CDC73: variants seen among roughly 807,000 people sequenced by gnomAD.
The protein encoded by CDC73 is parafibromin.
In CDC73, 21 loss-of-function variants were observed where a neutral mutation model predicts 83.7. That is an observed-to-expected ratio of 0.25 (90% CI 0.18 to 0.36). CDC73 has a LOEUF of 0.36. Ranked by LOEUF, CDC73 falls within the 10% of genes least tolerant of loss-of-function variation. The probability of loss-of-function intolerance (pLI) is 1.00; values close to 1 mark genes in which losing one functional copy is unlikely to be tolerated. For missense variants in CDC73, 342 were observed against 653.3 expected (o/e 0.52, Z 5.19); for synonymous variants, 224 against 212.9 (o/e 1.05, Z -0.45).
chr1:193,170,144 T>C (rs1287639668), intron 10 of CDC73, among the ~76,000 whole-genome samples: 1 of 152,248 alleles, frequency 6.6e-6, no homozygotes, highest in Non-Finnish European at 1.5e-5. Context: ...TTTTTATCAC[T>C]GCATAGTATT....
At chr1:193,228,158 A>G (rs1488838443) in intron 13 of CDC73, among the ~76,000 whole-genome samples, 1 of 152,172 alleles carries the variant, frequency 6.6e-6, no homozygotes, top group Non-Finnish European at 1.5e-5. Context: ...ATGATTTAAT[A>G]TCTCTGAAAT....
rs138626218 is a variant in CDC73 at position 193,130,056 on chromosome 1, T to C, written c.238-118T>C. On this transcript the variant is annotated intron_variant, in intron 2 of 16. Transcript: ENST00000367435. ...GCCTAGTCATTTTTTACAAATGTGA[T>C]TTAAAATACGTTTTTTCAAGATATG... 3 of 662,204 alleles carry C rather than the reference T, an allele frequency of 4.5e-6. No homozygotes were observed. In the African/African-American group the frequency reaches 5.4e-5, roughly 12 times the overall value. 41.0% of individuals were successfully genotyped at this position (662,204 alleles called of 1,614,324 possible). A position where few individuals can be genotyped will look rare whatever the true frequency, so the allele number is the denominator to read the frequency against.
intron 3 of CDC73, among the ~76,000 whole-genome samples, chr1:193,130,466 T>C (rs1395240197): frequency 1.3e-5 from 2 of 152,240 alleles, no homozygotes; most frequent in Non-Finnish European, 2.9e-5. Flanking sequence ...CCTTTCACAG[T>C]CTCAAAGACT....
At chr1:193,156,212 G>A (rs145164563) in intron 10 of CDC73, among the ~76,000 whole-genome samples, 1,862 of 152,284 alleles carry the variant, frequency 0.012, 19 homozygotes, top group South Asian at 0.034. Flanking sequence ...ACTCTTATTA[G>A]TGAGGATTTG....
At chr1:193,238,735 T>A (rs1376691233) in intron 15 of CDC73, among the ~76,000 whole-genome samples, 1 of 152,170 alleles carries the variant, frequency 6.6e-6, no homozygotes. Context: ...TGTATTCTTA[T>A]GATAAAGTAA....
intron 13 of CDC73, among the ~76,000 whole-genome samples, chr1:193,222,108 T>A (rs1010265828): frequency 2.0e-5 from 3 of 152,204 alleles, no homozygotes; most frequent in African/African-American, 7.2e-5. Context: ...GGAAGTATTT[T>A]AAAAAATACA....
chr1:193,250,123 G>A (rs1678022245), intron 16 of CDC73, among the ~76,000 whole-genome samples: 1 of 151,828 alleles, frequency 6.6e-6, no homozygotes, highest in Non-Finnish European at 1.5e-5. Flanking sequence ...TTTGTAATCT[G>A]TCTCTAATTA....
chr1:193,181,099 A>G, intron 10 of CDC73: 1 of 1,614,054 alleles, frequency 6.2e-7, no homozygotes, highest in Non-Finnish European at 8.5e-7. Flanking sequence ...AGCTATTAGT[A>G]GTATTAAAAA....
chr1:193,125,287 C>A, intron 2 of CDC73, 70 bp downstream of exon 2: 1 of 1,011,628 alleles, frequency 9.9e-7, no homozygotes, highest in South Asian at 1.3e-5. Flanking sequence ...GAGACAGGGT[C>A]TGGCCTTGTT....
Position 193,161,599 on chromosome 1 carries a change from T to G in CDC73, c.972+9155T>G, listed in dbSNP as rs565234559. Among the ~76,000 whole-genome samples the G allele has an allele frequency of 7.2e-4, 78 of 109,032 alleles. No individual in the cohort carries two copies. In the East Asian group the frequency reaches 0.017, roughly 24 times the overall value. 71.5% of individuals were successfully genotyped at this position (109,032 alleles called of 152,430 possible). On this transcript the variant is annotated intron_variant, in intron 10 of 16. Transcript: ENST00000367435. Reference sequence around the variant, plus strand: ...ATTATATAATATATAATAGATAATATATAATAGATAATATATATTATATGA... The same window carrying G: ...ATTATATAATATATAATAGATAATAGATAATAGATAATATATATTATATGA...
rs148548046 is a variant in CDC73, at chr1:193,169,007, G to A, written c.972+16563G>A. ...AAAGTGTAAAAACCAGTCTTGGCCT[G>A]TGTGCCATACAAAAACAAGTAGCAG... On this transcript the variant is annotated intron_variant, in intron 10 of 16. Coordinates refer to ENST00000367435, the MANE Select transcript of CDC73 (RefSeq NM_024529.5). 1.5e-3 allele frequency among the ~76,000 whole-genome samples: 221 copies of A among 152,114 alleles called. 5 individuals are homozygous for A. The East Asian group carries it at 0.025, about 17-fold the overall frequency.
chr1:193,233,704 T>G (rs1447361329), intron 14 of CDC73, among the ~76,000 whole-genome samples: 1 of 152,142 alleles, frequency 6.6e-6, no homozygotes, highest in East Asian at 1.9e-4. Flanking sequence ...GATTTTTGGT[T>G]TGGAGAATTT....
At position 193,173,469 on chromosome 1, in the gene CDC73, A is replaced by T. The variant is rs577870957; in HGVS notation, c.972+21025A>T. 3.5e-4 allele frequency among the ~76,000 whole-genome samples: 53 copies of T among 152,320 alleles called. No individual in the cohort carries two copies. The South Asian group carries it at 9.7e-3, about 28-fold the overall frequency. Reference sequence around the variant, plus strand: ...TTAAACATATGGACATCTTTTACATAGCCACAGTGCCATTGTATACAACAA... The same window carrying T: ...TTAAACATATGGACATCTTTTACATTGCCACAGTGCCATTGTATACAACAA... On this transcript the variant is annotated intron_variant, in intron 10 of 16. Transcript: ENST00000367435.
intron 6 of CDC73, among the ~76,000 whole-genome samples, chr1:193,139,039 G>A (rs1675854012): frequency 6.6e-6 from 1 of 152,102 alleles, no homozygotes; most frequent in African/African-American, 2.4e-5. Flanking sequence ...CTCCCAAAGT[G>A]CTGGGATTAC....
chr1:193,254,508 A>T lies in CDC73; in HGVS notation c.*3796A>T, dbSNP rs1342332735. Among the ~76,000 whole-genome samples, 1 of 152,058 alleles carries T rather than the reference A, an allele frequency of 6.6e-6. No individual in the cohort carries two copies. Among genetic ancestry groups the T allele is most frequent in the Non-Finnish European group, 1.5e-5 (1 of 67,974 alleles). On this transcript the variant is annotated 3_prime_UTR_variant, in exon 17 of 17. Coordinates refer to ENST00000367435, the MANE Select transcript of CDC73 (RefSeq NM_024529.5). Reference sequence around the variant, plus strand: ...AATTTTGAAATGCCATGTCCTATATATTCTGGCATATTTGTTGGCACATTT... The same window carrying T: ...AATTTTGAAATGCCATGTCCTATATTTTCTGGCATATTTGTTGGCACATTT...
At chr1:193,245,273 C>G (rs1677934312) in intron 15 of CDC73, among the ~76,000 whole-genome samples, 1 of 152,160 alleles carries the variant, frequency 6.6e-6, no homozygotes, top group Non-Finnish European at 1.5e-5. Flanking sequence ...TGTATTCCCC[C>G]TACCCCCTAC....
chr1:193,130,415 CT>C (rs1335592926), intron 3 of CDC73, among the ~76,000 whole-genome samples, 172 bp downstream of exon 3: 2 of 152,152 alleles, frequency 1.3e-5, no homozygotes, highest in Non-Finnish European at 2.9e-5. Flanking sequence ...TGTCTTTGCC[CT>C]TATGGCCAGT....
chr1:193,214,300 C>A (rs934906134), intron 13 of CDC73, among the ~76,000 whole-genome samples: 2 of 152,140 alleles, frequency 1.3e-5, no homozygotes, highest in African/African-American at 2.4e-5. Flanking sequence ...AGTTCCCGTT[C>A]CAATAATGCA....
chr1:193,234,175 T>TCTCTCTCA (rs1241998258), intron 14 of CDC73, among the ~76,000 whole-genome samples: 3 of 101,414 alleles, frequency 3.0e-5, no homozygotes, highest in African/African-American at 8.4e-5. Flanking sequence ...TCTCTCTCTC[T>TCTCTCTCA]CACACACACA....
Sources: gnomAD v4.1 joint callset for allele counts (sites outside exome capture counted in the v4.1 genomes callset) on GRCh38, gnomAD v4.1.1 for gene constraint, MANE v1.5 for transcripts, NCBI Gene and HGNC (gene_info 2026-07-23, HGNC 2026-07-21) for gene names.